Variants in CHMP5 observed in about 807,000 individuals in gnomAD.
CHMP5 encodes the protein SNF7 domain containing 2.
In CHMP5, 17 loss-of-function variants were observed where a neutral mutation model predicts 33.0. That is an observed-to-expected ratio of 0.52 (90% CI 0.35 to 0.77). The LOEUF is 0.77. CHMP5 is among the 30% of genes least tolerant of loss of function. The probability of loss-of-function intolerance (pLI) is 0.01; values close to 1 mark genes in which losing one functional copy is unlikely to be tolerated. For missense variants in CHMP5, 216 were observed against 261.5 expected, an observed-to-expected ratio of 0.83 and a Z score of 1.20; for synonymous variants, 76 against 90.2, an observed-to-expected ratio of 0.84 and a Z score of 0.89.
At chr9:33,274,860 C>T (rs138318082) in intron 5 of CHMP5, among the ~76,000 whole-genome samples, 83 of 152,316 alleles carry the variant, frequency 5.4e-4, no homozygotes, top group African/African-American at 1.9e-3. Context: ...AGGCAATCCA[C>T]CCACTTTGGC....
At position 33,268,412 on chromosome 9, in the gene CHMP5, A is replaced by G. The variant is rs905870679; in HGVS notation, c.221+513A>G. 3.9e-5 allele frequency among the ~76,000 whole-genome samples: 6 copies of G among 152,194 alleles called. No homozygotes were observed. In the East Asian group the frequency reaches 7.7e-4, roughly 19 times the overall value. On this transcript the variant is annotated intron_variant, in intron 3 of 7. Transcript: ENST00000223500. ...ATTTGTTTTAGGTGACTATGTCCCAATTTTGAGCAGAAGCTAACTAGTATC... is the reference window on the plus strand; with the variant it reads ...ATTTGTTTTAGGTGACTATGTCCCAGTTTTGAGCAGAAGCTAACTAGTATC...
Position 33,281,057 on chromosome 9 carries a change from C to T in CHMP5, c.*198C>T. ...GCTTTCTTCGTACTAAAATTTGATTCCTTTTTTTCTTATGAAAAACGAACT... is the reference window on the plus strand; with the variant it reads ...GCTTTCTTCGTACTAAAATTTGATTTCTTTTTTTCTTATGAAAAACGAACT... On this transcript the variant is annotated 3_prime_UTR_variant, in exon 8 of 8. Coordinates refer to ENST00000223500, the MANE Select transcript of CHMP5 (RefSeq NM_016410.6). 2 of 451,274 alleles carry T rather than the reference C, an allele frequency of 4.4e-6. No homozygotes were observed. Among genetic ancestry groups the T allele is most frequent in the Non-Finnish European group, 3.9e-6 (1 of 256,394 alleles). 28.0% of individuals were successfully genotyped at this position (451,274 alleles called of 1,614,324 possible).
intron 3 of CHMP5, among the ~76,000 whole-genome samples, chr9:33,269,597 G>A (rs1820768971): frequency 1.3e-5 from 2 of 152,136 alleles, no homozygotes; most frequent in Admixed American, 6.5e-5. Context: ...TATGTATGAA[G>A]AGCCTTAAAA....
intron 6 of CHMP5, among the ~76,000 whole-genome samples, 183 bp downstream of exon 6, chr9:33,276,747 C>T (rs1328113878): frequency 6.6e-6 from 1 of 152,222 alleles, no homozygotes; most frequent in African/African-American, 2.4e-5. Context: ...CCACCAACAA[C>T]AGTGGGATGG....
At chr9:33,278,425 G>A (rs898517477) in intron 7 of CHMP5, among the ~76,000 whole-genome samples, 200 bp downstream of exon 7, 1 of 152,172 alleles carries the variant, frequency 6.6e-6, no homozygotes, top group Non-Finnish European at 1.5e-5. Context: ...CTGAGGCTCA[G>A]GAATATTTTT....
In CHMP5 at chr9:33,265,093, CG is replaced by C. The variant is rs1346494492; in HGVS notation, c.18del (p.Ala8ArgfsTer10). The C allele has an allele frequency of 6.2e-7, 1 of 1,614,088 alleles. No homozygotes were observed. The highest frequency in any genetic ancestry group is 1.3e-5 in the African/African-American group (1 of 74,928). On this transcript the variant is annotated frameshift_variant, in exon 1 of 8. Transcript: ENST00000223500. LOFTEE classifies it high-confidence loss of function. The part of the protein sequence containing the change: MNRLF[G>X]KAKPKAPPPS... ...GGCTGCTCAAGATGAACCGACTCTT[CG>C]GGAAAGCGAAACCCAAGGCTCCGCC...
At chr9:33,270,217 A>G (rs1820777300) in intron 3 of CHMP5, among the ~76,000 whole-genome samples, 1 of 152,206 alleles carries the variant, frequency 6.6e-6, no homozygotes, top group Admixed American at 6.5e-5. Flanking sequence ...TACAATATTC[A>G]GTACAGTAAC....
chr9:33,271,110 A>G (rs773379075), intron 4 of CHMP5, 42 bp from the exon 5 acceptor site: 3 of 1,398,634 alleles, frequency 2.1e-6, no homozygotes, highest in Admixed American at 3.4e-5. Context: ...TTTAACCAAC[A>G]TGACTTACTA....
intron 7 of CHMP5, among the ~76,000 whole-genome samples, chr9:33,279,012 C>G (rs1279067648): frequency 6.6e-6 from 1 of 152,096 alleles, no homozygotes; most frequent in Non-Finnish European, 1.5e-5. Flanking sequence ...CAACCTCCGC[C>G]CCCCTGGTTC....
intron 7 of CHMP5, among the ~76,000 whole-genome samples, chr9:33,279,033 C>T (rs1032156920): frequency 2.0e-5 from 3 of 152,148 alleles, no homozygotes. Flanking sequence ...AAGCAATCCT[C>T]GTGCCTCAGC....
At chr9:33,272,941 C>T (rs1820812273) in intron 5 of CHMP5, among the ~76,000 whole-genome samples, 1 of 152,148 alleles carries the variant, frequency 6.6e-6, no homozygotes, top group Non-Finnish European at 1.5e-5. Context: ...CTAAGAGCTT[C>T]ACTGATGAAA....
At chr9:33,274,301 T>G (rs1820828205) in intron 5 of CHMP5, among the ~76,000 whole-genome samples, 1 of 152,182 alleles carries the variant, frequency 6.6e-6, no homozygotes, top group Admixed American at 6.5e-5. Flanking sequence ...CCCAAACTCC[T>G]GAGCTCAAGT....
At chr9:33,274,452 A>G (rs1820829645) in intron 5 of CHMP5, among the ~76,000 whole-genome samples, 1 of 152,096 alleles carries the variant, frequency 6.6e-6, no homozygotes, top group Non-Finnish European at 1.5e-5. Flanking sequence ...CTTTATCAAC[A>G]CTAGTTCTGT....
Position 33,281,748 on chromosome 9 carries a change from C to T in CHMP5, c.*889C>T, listed in dbSNP as rs1820924695. On this transcript the variant is annotated 3_prime_UTR_variant, in exon 8 of 8. Transcript: ENST00000223500. The stretch of plus-strand genomic sequence containing the variant: ...CTGTTTCCTTATTAGTAAAATCATG[C>T]TTAACTCACAGAGCTTTTGTGAGGA... The T allele has an allele frequency of 6.6e-6, 1 of 152,198 alleles. No individual in the cohort carries two copies. Among genetic ancestry groups the T allele is most frequent in the Admixed American group, 6.5e-5 (1 of 15,274 alleles). 9.4% of individuals were successfully genotyped at this position (152,198 alleles called of 1,614,324 possible).
At chr9:33,274,748 T>C (rs1229883125) in intron 5 of CHMP5, among the ~76,000 whole-genome samples, 1 of 152,176 alleles carries the variant, frequency 6.6e-6, no homozygotes, top group African/African-American at 2.4e-5. Context: ...CCCGGGTAGC[T>C]GGGATTACAG....
At chr9:33,278,275 T>C (rs758331456) in intron 7 of CHMP5, 50 bp downstream of exon 7, 3 of 1,071,896 alleles carry the variant, frequency 2.8e-6, no homozygotes, top group Non-Finnish European at 2.8e-6. Flanking sequence ...AAAGGCTTTA[T>C]GCTTGACCAT....
Position 33,271,174 on chromosome 9 carries a change from T to C in CHMP5, c.338T>C (p.Val113Ala). The C allele has an allele frequency of 6.2e-7, 1 of 1,613,562 alleles. No homozygotes were observed. Among genetic ancestry groups the C allele is most frequent in the Non-Finnish European group, 8.5e-7 (1 of 1,179,632 alleles). The change falls in exon 5 of 8, where the codon GTA (valine) becomes GCA (alanine). Residue 113 changes from valine to alanine, a missense_variant. Coordinates refer to ENST00000223500, the MANE Select transcript of CHMP5 (RefSeq NM_016410.6). ...KTTVDAMKLG[V>A]KEMKKAYKQV... The stretch of plus-strand genomic sequence containing the variant: ...TAGGTTGATGCTATGAAACTGGGAG[T>C]AAAGGAAATGAAGAAGGCATACAAG...
At chr9:33,269,682 G>C (rs1272596159) in intron 3 of CHMP5, among the ~76,000 whole-genome samples, 1 of 151,968 alleles carries the variant, frequency 6.6e-6, no homozygotes, top group Non-Finnish European at 1.5e-5. Context: ...GCCTTATTAA[G>C]ATATGTAGCA....
intron 1 of CHMP5, among the ~76,000 whole-genome samples, chr9:33,265,604 G>A (rs1033756519): frequency 6.6e-6 from 1 of 152,158 alleles, no homozygotes; most frequent in Non-Finnish European, 1.5e-5. Flanking sequence ...TAGCCCCTCA[G>A]ATTAAGCCAC....
Sources: gnomAD v4.1 joint callset for allele counts (sites outside exome capture counted in the v4.1 genomes callset) on GRCh38, gnomAD v4.1.1 for gene constraint, MANE v1.5 for transcripts, NCBI Gene and HGNC (gene_info 2026-07-23, HGNC 2026-07-21) for gene names.